The following NUP210L variants were observed in gnomAD, a reference collection of about 807,000 sequenced individuals.
NUP210L encodes nuclear pore membrane glycoprotein 210-like.
NUP210L carries 74 observed loss-of-function variants against 208.5 expected under a neutral mutation model. The observed-to-expected ratio is 0.35, with a 90% CI of 0.29 to 0.43. NUP210L has a LOEUF of 0.43. Ranked by LOEUF, NUP210L falls within the 20% of genes least tolerant of loss-of-function variation. NUP210L has a pLI of 1.00. For synonymous variants in NUP210L, 780 were observed against 816.9 expected, an observed-to-expected ratio of 0.95 and a Z score of 0.77; for missense variants, 1,843 against 2,289.4, an observed-to-expected ratio of 0.81 and a Z score of 3.98.
intron 15 of NUP210L, among the ~76,000 whole-genome samples, chr1:154,092,040 A>G (rs1156478115): frequency 1.3e-5 from 2 of 151,362 alleles, no homozygotes; most frequent in African/African-American, 4.8e-5. Flanking sequence ...GGTGGTTGCC[A>G]GGGACTGGGG....
At chr1:154,106,987 G>C (rs907496571) in intron 12 of NUP210L, among the ~76,000 whole-genome samples, 12 of 152,048 alleles carry the variant, frequency 7.9e-5, no homozygotes, top group African/African-American at 2.7e-4. Flanking sequence ...CATCCACAAA[G>C]ATCAAGACCA....
At chr1:154,054,679 G>C in intron 24 of NUP210L, 91 bp downstream of exon 24, 2 of 978,180 alleles carry the variant, frequency 2.0e-6, no homozygotes, top group South Asian at 1.4e-5. Flanking sequence ...GAGTAAATAA[G>C]AGATCAATAG....
chr1:154,128,196 T>C (rs1658077950), intron 8 of NUP210L, among the ~76,000 whole-genome samples: 1 of 152,116 alleles, frequency 6.6e-6, no homozygotes, highest in African/African-American at 2.4e-5. Flanking sequence ...TTCTCTCAAA[T>C]TGTATAAGGC....
At position 154,057,690 on chromosome 1, in the gene NUP210L, ATGTGTGTG is replaced by A. The variant is rs4060104; in HGVS notation, c.3107+391_3107+398del. Among the ~76,000 whole-genome samples the A allele has an allele frequency of 1.2e-3, 153 of 125,476 alleles. 2 individuals are homozygous for A. The highest frequency in any genetic ancestry group is 4.1e-3 in the Middle Eastern group (1 of 242). The allele number at this position is 125,476 out of a possible 152,430, so 82.3% of individuals were successfully genotyped here. A position where few individuals can be genotyped will look rare whatever the true frequency, so the allele number is the denominator to read the frequency against. Reference sequence around the variant, plus strand: ...CAAACAAGGCATCTGAGGACCTCGAATGTGTGTGTGTGTGTGTGTGTGTGTGTGTGTGT... The same window carrying A: ...CAAACAAGGCATCTGAGGACCTCGAATGTGTGTGTGTGTGTGTGTGTGTGT... On this transcript the variant is annotated intron_variant, in intron 22 of 39. Transcript: ENST00000368559.
chr1:154,031,776 T>A (rs1652241889), intron 27 of NUP210L, among the ~76,000 whole-genome samples: 1 of 151,732 alleles, frequency 6.6e-6, no homozygotes, highest in South Asian at 2.1e-4. Context: ...TGAGTGAGTA[T>A]AGTGGCACAA....
At chr1:154,041,474 G>A (rs946298069) in intron 27 of NUP210L, among the ~76,000 whole-genome samples, 11 of 152,238 alleles carry the variant, frequency 7.2e-5, no homozygotes, top group African/African-American at 2.6e-4. Context: ...GGAATTACAA[G>A]CATGTGCCAC....
At chr1:154,084,523 G>A (rs534441402) in intron 16 of NUP210L, among the ~76,000 whole-genome samples, 5 of 151,500 alleles carry the variant, frequency 3.3e-5, no homozygotes, top group South Asian at 2.1e-4. Flanking sequence ...TAAATTTTTT[G>A]TACAGACAAG....
In NUP210L at chr1:154,084,417, GGC is replaced by G. The variant is rs530420620; in HGVS notation, c.2361+5002_2361+5003del. On this transcript the variant is annotated intron_variant, in intron 16 of 39. Transcript: ENST00000368559. ...AGTAGAGATGGGGTTTCACCGTGTT[GGC>G]CAGGCTGGTCTTGAACTTCTGACCT... Among the ~76,000 whole-genome samples, 189 of 151,762 alleles carry G rather than the reference GGC, an allele frequency of 1.2e-3. 1 individual carries two copies. The highest frequency in any genetic ancestry group is 4.3e-3 in the African/African-American group (177 of 41,354).
At chr1:154,114,431 A>C (rs2148089347) in intron 12 of NUP210L, among the ~76,000 whole-genome samples, 1 of 152,170 alleles carries the variant, frequency 6.6e-6, no homozygotes, top group South Asian at 2.1e-4. Context: ...TCCTGGGAAA[A>C]CTTATCCAGT....
rs776881344 is a variant in NUP210L at position 154,054,208 on chromosome 1, G to C, written c.3483+20C>G. 1.2e-6 allele frequency: 2 copies of C among 1,612,812 alleles called. No individual in the cohort carries two copies. The highest frequency in any genetic ancestry group is 2.7e-5 in the African/African-American group (2 of 75,020). ...TCCTCAATAGAAGAATAGAAGCAGA[G>C]CAGAGCAAATAACCAATACCTGAGA... On this transcript the variant is annotated intron_variant, in intron 25 of 39. Coordinates refer to ENST00000368559, the Ensembl canonical transcript of NUP210L.
At chr1:154,091,281 A>G (rs536827926) in intron 15 of NUP210L, among the ~76,000 whole-genome samples, 33 of 151,512 alleles carry the variant, frequency 2.2e-4, no homozygotes, top group Non-Finnish European at 3.5e-4. Flanking sequence ...TTTTCAGTAG[A>G]GACAGGGCTT....
chr1:154,077,666 A>G (rs1012267495), intron 16 of NUP210L, among the ~76,000 whole-genome samples: 1 of 152,202 alleles, frequency 6.6e-6, no homozygotes, highest in African/African-American at 2.4e-5. Context: ...GGTTGTAATT[A>G]TTCTTTTTTT....
At position 154,018,877 on chromosome 1, in the gene NUP210L, C is replaced by T; in HGVS notation, c.4653+56G>A. The T allele has an allele frequency of 3.8e-6, 6 of 1,584,858 alleles. 1 individual carries two copies. Among genetic ancestry groups the T allele is most frequent in the East Asian group, 2.2e-5 (1 of 44,622 alleles). ...AAGATGTATTTTCTCTATGCATATCCTCATATGTGGCAATAGTCACCCTAG... is the reference window on the plus strand; with the variant it reads ...AAGATGTATTTTCTCTATGCATATCTTCATATGTGGCAATAGTCACCCTAG... On this transcript the variant is annotated intron_variant, in intron 33 of 39. Transcript: ENST00000368559.
At chr1:154,080,659 T>G (rs574467174) in intron 16 of NUP210L, among the ~76,000 whole-genome samples, 1 of 151,158 alleles carries the variant, frequency 6.6e-6, no homozygotes, top group South Asian at 2.1e-4. Flanking sequence ...CACTCCAGCC[T>G]AAGCGACAGA....
chr1:154,126,446 G>A (rs907112147), exon 10 of NUP210L: 10 of 1,610,568 alleles, frequency 6.2e-6, no homozygotes, highest in Admixed American at 1.7e-5. Context: ...TAGGAAAGTC[G>A]TATGTAATCC....
chr1:154,126,340 T>C, exon 10 of NUP210L: 2 of 1,612,560 alleles, frequency 1.2e-6, no homozygotes, highest in Non-Finnish European at 1.7e-6. Context: ...ATGATGGAGG[T>C]CAGGGATGCA....
chr1:154,021,589 C>G (rs1015312998), intron 32 of NUP210L, among the ~76,000 whole-genome samples: 2 of 152,228 alleles, frequency 1.3e-5, no homozygotes, highest in South Asian at 2.1e-4. Flanking sequence ...TCAAATGTGC[C>G]TCACAAAATA....
At chr1:153,995,564 C>A (rs1649799153) in intron 37 of NUP210L, 1 of 711,886 alleles carries the variant, frequency 1.4e-6, no homozygotes, top group Non-Finnish European at 2.6e-6. Context: ...GCTTTAAATC[C>A]TCTGCTACTT....
At chr1:154,054,978 G>A (rs1171123270) in intron 23 of NUP210L, 146 bp from the exon 24 acceptor site, 3 of 633,806 alleles carry the variant, frequency 4.7e-6, no homozygotes, top group Non-Finnish European at 2.8e-6. Context: ...ACAGCTCACT[G>A]CAGCCTTGAA....
Sources: gnomAD v4.1 joint callset for allele counts (sites outside exome capture counted in the v4.1 genomes callset) on GRCh38, gnomAD v4.1.1 for gene constraint, MANE v1.5 for transcripts, NCBI Gene and HGNC (gene_info 2026-07-23, HGNC 2026-07-21) for gene names.